Variants in RELN observed in about 807,000 individuals in gnomAD.
RELN encodes reelin.
RELN carries 108 observed loss-of-function variants against 427.6 expected under a neutral mutation model. That is an observed-to-expected ratio of 0.25 (90% CI 0.22 to 0.30). The LOEUF is 0.30. RELN is among the 10% of genes least tolerant of loss of function. RELN has a pLI of 1.00. For synonymous variants in RELN, 1,524 were observed against 1,513.4 expected (o/e 1.01, Z -0.16); for missense variants, 3,715 against 4,302.8 (o/e 0.86, Z 3.82).
At chr7:103,980,703 T>C (rs923830196) in intron 1 of RELN, among the ~76,000 whole-genome samples, 8 of 152,228 alleles carry the variant, frequency 5.3e-5, no homozygotes, top group African/African-American at 1.9e-4. Context: ...TGAATTAATA[T>C]GTGTAAAGCA....
chr7:103,533,529 A>C (rs1168818349), intron 46 of RELN, among the ~76,000 whole-genome samples: 1 of 152,154 alleles, frequency 6.6e-6, no homozygotes, highest in Non-Finnish European at 1.5e-5. Context: ...CTCCATGCAC[A>C]TTTCTTTCTG....
At chr7:103,756,451 G>A (rs1791156948) in intron 4 of RELN, among the ~76,000 whole-genome samples, 1 of 152,136 alleles carries the variant, frequency 6.6e-6, no homozygotes, top group Non-Finnish European at 1.5e-5. Flanking sequence ...TCTTTGCTCT[G>A]AAGAAGAAAT....
At chr7:103,483,509 T>C in intron 62 of RELN, 144 bp downstream of exon 62, 1 of 845,162 alleles carries the variant, frequency 1.2e-6, no homozygotes, top group East Asian at 2.4e-5. Context: ...TTTGGAGATC[T>C]GGGTTAGTCT....
chr7:103,903,868 G>T (rs530183114), intron 2 of RELN, among the ~76,000 whole-genome samples: 1 of 151,722 alleles, frequency 6.6e-6, no homozygotes, highest in East Asian at 1.9e-4. Flanking sequence ...TTAAGTTCCG[G>T]GATACATGTG....
intron 11 of RELN, among the ~76,000 whole-genome samples, chr7:103,675,876 C>G (rs951734740): frequency 1.1e-5 from 1 of 90,058 alleles, no homozygotes; most frequent in Non-Finnish European, 3.1e-5. Context: ...ACACCTTATA[C>G]AAAAATTAAT....
intron 2 of RELN, among the ~76,000 whole-genome samples, chr7:103,875,677 A>C (rs1794461742): frequency 6.6e-6 from 1 of 152,148 alleles, no homozygotes; most frequent in Non-Finnish European, 1.5e-5. Context: ...CGGCAAAAGA[A>C]AATATACATA....
intron 8 of RELN, among the ~76,000 whole-genome samples, chr7:103,719,249 G>A (rs947280608): frequency 6.6e-6 from 1 of 152,020 alleles, no homozygotes; most frequent in African/African-American, 2.4e-5. Flanking sequence ...CTCTAGGAGG[G>A]CACGCATGTT....
chr7:103,661,628 T>C, intron 11 of RELN, 101 bp from the exon 12 acceptor site: 1 of 1,056,656 alleles, frequency 9.5e-7, no homozygotes, highest in Non-Finnish European at 1.4e-6. Flanking sequence ...ACTTACTTAG[T>C]AATGAATAAT....
At chr7:103,624,648 G>A (rs1429426698) in intron 20 of RELN, among the ~76,000 whole-genome samples, 1 of 152,034 alleles carries the variant, frequency 6.6e-6, no homozygotes, top group Admixed American at 6.6e-5. Context: ...GGCTGGTCTC[G>A]AACTCCTGAC....
intron 1 of RELN, among the ~76,000 whole-genome samples, chr7:103,966,743 T>C (rs1232872012): frequency 1.3e-5 from 2 of 152,164 alleles, no homozygotes; most frequent in Non-Finnish European, 2.9e-5. Context: ...AGATACTGAA[T>C]GAATAAACCA....
intron 46 of RELN, among the ~76,000 whole-genome samples, chr7:103,524,315 T>C (rs1327634066): frequency 1.3e-5 from 2 of 151,294 alleles, no homozygotes; most frequent in African/African-American, 4.9e-5. Context: ...GCTCCCTAAT[T>C]GGACAGAGAA....
chr7:103,665,880 C>T (rs1833254113), intron 11 of RELN, among the ~76,000 whole-genome samples: 1 of 140,634 alleles, frequency 7.1e-6, no homozygotes, highest in African/African-American at 2.7e-5. Context: ...CCGTGTCTCT[C>T]ACTCTCTCAT....
intron 45 of RELN, among the ~76,000 whole-genome samples, chr7:103,536,261 ATATT>A (rs2117120208): frequency 6.6e-6 from 1 of 152,252 alleles, no homozygotes; most frequent in South Asian, 2.1e-4. Context: ...CTAAAGAAAG[ATATT>A]TATTTCTTTC....
At chr7:103,564,961 A>T (rs911729316) in intron 34 of RELN, among the ~76,000 whole-genome samples, 4 of 152,228 alleles carry the variant, frequency 2.6e-5, no homozygotes, top group African/African-American at 9.6e-5. Flanking sequence ...GTAATTTCAC[A>T]TACTGTTTTG....
chr7:103,553,517 G>C lies in RELN; in HGVS notation c.6016C>G (p.His2006Asp). Residue 2006 changes from histidine (H) to aspartate (D), a missense_variant, in exon 40 of 65, where the codon CAT becomes GAT. This residue lies in a region of RELN where 1,310 missense variants were observed against 1,643.0 expected (regional missense o/e 0.80). Transcript: ENST00000428762. ...TTTAGGTCACGGGTGGTAATGGAATGCTCACCAACTTCATTTGAAACAAAC... is the reference window on the plus strand; with the variant it reads ...TTTAGGTCACGGGTGGTAATGGAATCCTCACCAACTTCATTTGAAACAAAC... The part of the protein sequence containing the change: ...MVFVSNEVGE[H>D]SITTRDLNVN... 1 of 1,614,052 alleles carries C rather than the reference G, an allele frequency of 6.2e-7. No homozygotes were observed. The highest frequency in any genetic ancestry group is 2.2e-5 in the East Asian group (1 of 44,858).
chr7:103,770,385 A>G (rs566269772), intron 4 of RELN, among the ~76,000 whole-genome samples: 2 of 152,284 alleles, frequency 1.3e-5, no homozygotes, highest in East Asian at 3.9e-4. Flanking sequence ...CGCCCCGCCC[A>G]GCCCAAATCT....
intron 6 of RELN, among the ~76,000 whole-genome samples, chr7:103,741,996 C>A (rs749045047): frequency 3.3e-5 from 5 of 152,140 alleles, no homozygotes; most frequent in Non-Finnish European, 2.9e-5. Flanking sequence ...CACCGAGGAG[C>A]CTAACTGGGA....
At chr7:103,568,077 G>T (rs1415759170) in intron 31 of RELN, among the ~76,000 whole-genome samples, 1 of 152,172 alleles carries the variant, frequency 6.6e-6, no homozygotes, top group South Asian at 2.1e-4. Context: ...GATTAAAGGC[G>T]TGAGCCATTG....
At chr7:103,619,209 A>G (rs1832157681) in intron 20 of RELN, among the ~76,000 whole-genome samples, 1 of 152,178 alleles carries the variant, frequency 6.6e-6, no homozygotes, top group Admixed American at 6.5e-5. Context: ...CAAGGGTCAG[A>G]TAACTTCATG....
Sources: gnomAD v4.1 joint callset for allele counts (sites outside exome capture counted in the v4.1 genomes callset) on GRCh38, gnomAD v4.1.1 for gene constraint, gnomAD v4.1.1 regional missense constraint, MANE v1.5 for transcripts, NCBI Gene and HGNC (gene_info 2026-07-23, HGNC 2026-07-21) for gene names.